Variants in SMYD1 observed in about 807,000 individuals in gnomAD.
SMYD1 encodes histone-lysine N-methyltransferase SMYD1.
Under a neutral mutation model 54.0 loss-of-function variants are expected in SMYD1, and 49 were observed. That is an observed-to-expected ratio of 0.91 (90% CI 0.72 to 1.15). The LOEUF is 1.15. Ranked by LOEUF, SMYD1 falls within the 50% of genes most tolerant of loss-of-function variation. The probability of loss-of-function intolerance (pLI) is 0.00; values close to 1 mark genes in which losing one functional copy is unlikely to be tolerated. For synonymous variants in SMYD1, 269 were observed against 234.2 expected (o/e 1.15, Z -1.36); for missense variants, 653 against 639.6 (o/e 1.02, Z -0.23).
chr2:88,090,242 A>G (rs2919854), intron 3 of SMYD1, among the ~76,000 whole-genome samples: 87,805 of 152,028 alleles, frequency 0.58, 25,972 homozygotes, highest in African/African-American at 0.69. Context: ...ATGTCTACTG[A>G]GTTTCTGTTA....
intron 9 of SMYD1, among the ~76,000 whole-genome samples, chr2:88,109,644 C>T (rs1558860765): frequency 6.6e-6 from 1 of 152,178 alleles, no homozygotes. Flanking sequence ...ATGACTATGA[C>T]ATTTAGGACT....
At position 88,111,161 on chromosome 2, in the gene SMYD1, C is replaced by T. The variant is rs997052926; in HGVS notation, c.*649C>T. ...AACCACTTCAGAATGGTGCATATGT[C>T]GAAAGAGCTGGCTGGGGGCCTTGCC... On this transcript the variant is annotated 3_prime_UTR_variant, in exon 10 of 10. Transcript: ENST00000419482. 1 of 152,126 alleles carries T rather than the reference C, an allele frequency of 6.6e-6. No homozygotes were observed. The highest frequency in any genetic ancestry group is 1.9e-4 in the East Asian group (1 of 5,174). 9.4% of individuals were successfully genotyped at this position (152,126 alleles called of 1,614,324 possible).
intron 9 of SMYD1, 146 bp from the exon 10 acceptor site, chr2:88,110,208 T>A (rs903412058): frequency 2.4e-5 from 18 of 736,576 alleles, no homozygotes; most frequent in South Asian, 9.8e-5. Flanking sequence ...TGAGTGTGTG[T>A]GTGTGTGTGT....
chr2:88,077,589 C>G (rs1216290001), intron 1 of SMYD1, among the ~76,000 whole-genome samples: 1 of 152,140 alleles, frequency 6.6e-6, no homozygotes, highest in Non-Finnish European at 1.5e-5. Flanking sequence ...ACGAGACTTG[C>G]TGAAGGTCAC....
chr2:88,079,151 T>C (rs1674132424), intron 1 of SMYD1, among the ~76,000 whole-genome samples: 1 of 152,206 alleles, frequency 6.6e-6, no homozygotes, highest in African/African-American at 2.4e-5. Flanking sequence ...AAAATGATTA[T>C]ATAAGTGTAA....
At chr2:88,097,210 T>A (rs1180480264) in intron 6 of SMYD1, among the ~76,000 whole-genome samples, 1 of 152,172 alleles carries the variant, frequency 6.6e-6, no homozygotes, top group Admixed American at 6.5e-5. Flanking sequence ...CATCTGGTTA[T>A]CAAAAAGATA....
At chr2:88,072,008 A>C (rs1249910976) in intron 1 of SMYD1, among the ~76,000 whole-genome samples, 4 of 151,986 alleles carry the variant, frequency 2.6e-5, no homozygotes, top group Non-Finnish European at 5.9e-5. Context: ...ATTTGGAAAA[A>C]AAAAAAAAAC....
intron 7 of SMYD1, among the ~76,000 whole-genome samples, chr2:88,104,967 T>G (rs1181276124): frequency 6.6e-6 from 1 of 152,214 alleles, no homozygotes; most frequent in Non-Finnish European, 1.5e-5. Context: ...AGCCTCCTTC[T>G]CTGCTCATCC....
chr2:88,068,067 T>C lies in SMYD1; in HGVS notation c.137+66T>C, dbSNP rs1673870262. 8 of 1,525,336 alleles carry C rather than the reference T, an allele frequency of 5.2e-6. No homozygotes were observed. The South Asian group carries it at 7.6e-5, about 14-fold the overall frequency. The allele number at this position is 1,525,336 out of a possible 1,614,324, so 94.5% of individuals were successfully genotyped here. ...GCTGGGGCCAAACTCTAAAATACTT[T>C]GCTCTCAAAAATCATCAGGGGAAGG... is the stretch of plus-strand genomic sequence containing the variant. On this transcript the variant is annotated intron_variant, in intron 1 of 9. Transcript: ENST00000419482.
intron 7 of SMYD1, 89 bp downstream of exon 7, chr2:88,103,239 G>A (rs752238199): frequency 2.4e-5 from 24 of 991,856 alleles, no homozygotes; most frequent in Admixed American, 1.8e-4. Flanking sequence ...GAGAACGGGC[G>A]GCGGGGGAGG....
In SMYD1 at chr2:88,112,884, C is replaced by T. The variant is rs1261929417; in HGVS notation, c.*2372C>T. ...CCTGGAGTTGGTTTTGTCCTTGATT[C>T]ATTCTCATGTCATTCTGCACACAGT... On this transcript the variant is annotated 3_prime_UTR_variant, in exon 10 of 10. Coordinates refer to ENST00000419482, the MANE Select transcript of SMYD1 (RefSeq NM_198274.4). The T allele has an allele frequency of 6.6e-6, 1 of 152,306 alleles. No individual in the cohort carries two copies. The highest frequency in any genetic ancestry group is 1.5e-5 in the Non-Finnish European group (1 of 68,162). 9.4% of individuals were successfully genotyped at this position (152,306 alleles called of 1,614,324 possible).
intron 7 of SMYD1, among the ~76,000 whole-genome samples, chr2:88,105,402 T>A (rs1674839140): frequency 2.0e-5 from 3 of 148,624 alleles, no homozygotes; most frequent in African/African-American, 7.8e-5. Context: ...CACACACATA[T>A]CGATATCTTT....
chr2:88,070,846 G>A (rs1332350214), intron 1 of SMYD1, among the ~76,000 whole-genome samples: 1 of 150,556 alleles, frequency 6.6e-6, no homozygotes, highest in Non-Finnish European at 1.5e-5. Context: ...AGAAGGCTGA[G>A]GTGAGAGAAT....
rs1170245014 is a variant in SMYD1, at chr2:88,110,589, A to G, written c.*77A>G. 1.4e-6 allele frequency: 2 copies of G among 1,416,342 alleles called. No homozygotes were observed. The highest frequency in any genetic ancestry group is 2.7e-5 in the East Asian group (1 of 37,568). The allele number at this position is 1,416,342 out of a possible 1,614,324, so 87.7% of individuals were successfully genotyped here. A position where few individuals can be genotyped will look rare whatever the true frequency, so the allele number is the denominator to read the frequency against. On this transcript the variant is annotated 3_prime_UTR_variant, in exon 10 of 10. Coordinates refer to ENST00000419482, the MANE Select transcript of SMYD1 (RefSeq NM_198274.4). The stretch of plus-strand genomic sequence containing the variant: ...CTGGAGGTGGTGGGTCTCTCGGGAG[A>G]CCCCTAATGAGGAAGTTGAGGTAAT...
rs1157054441 is a variant in SMYD1, at chr2:88,110,339, A to G, written c.1315-15A>G. ...GGCTTGCTATCACTGTTTACGGTGT[A>G]TCTGTGTCCCACAGGCCATGCGGGT... On this transcript the variant is annotated splice_polypyrimidine_tract_variant and intron_variant, in intron 9 of 9. Transcript: ENST00000419482. The G allele has an allele frequency of 1.2e-6, 2 of 1,606,530 alleles. No individual in the cohort carries two copies. The highest frequency in any genetic ancestry group is 1.3e-5 in the African/African-American group (1 of 74,810).
Position 88,110,593 on chromosome 2 carries a change from C to T in SMYD1, c.*81C>T. 5 of 1,407,234 alleles carry T rather than the reference C, an allele frequency of 3.6e-6. No individual in the cohort carries two copies. Among genetic ancestry groups the T allele is most frequent in the Non-Finnish European group, 4.7e-6 (5 of 1,066,616 alleles). 87.2% of individuals were successfully genotyped at this position (1,407,234 alleles called of 1,614,324 possible). On this transcript the variant is annotated 3_prime_UTR_variant, in exon 10 of 10. Coordinates refer to ENST00000419482, the MANE Select transcript of SMYD1 (RefSeq NM_198274.4). The stretch of plus-strand genomic sequence containing the variant: ...AGGTGGTGGGTCTCTCGGGAGACCC[C>T]TAATGAGGAAGTTGAGGTAATGCTT...
chr2:88,099,827 TCCTTTTCC>T (rs1674679192), intron 6 of SMYD1, among the ~76,000 whole-genome samples: 2 of 150,756 alleles, frequency 1.3e-5, no homozygotes, highest in Non-Finnish European at 3.0e-5. Context: ...CCTCTTTGGC[TCCTTTTCC>T]TCTGGCTTCT....
intron 1 of SMYD1, among the ~76,000 whole-genome samples, chr2:88,072,298 A>C (rs942586790): frequency 6.6e-6 from 1 of 152,046 alleles, no homozygotes; most frequent in Non-Finnish European, 1.5e-5. Flanking sequence ...CTACAGGTGC[A>C]TGCCACCACA....
intron 6 of SMYD1, among the ~76,000 whole-genome samples, chr2:88,100,905 A>G (rs555382940): frequency 1.3e-5 from 2 of 152,250 alleles, no homozygotes; most frequent in Non-Finnish European, 2.9e-5. Flanking sequence ...AGGTAGACAC[A>G]TAGAATAACT....
Sources: allele counts gnomAD v4.1 joint callset (sites outside exome capture counted in the v4.1 genomes callset), GRCh38; gene constraint gnomAD v4.1.1; transcripts MANE v1.5; gene names NCBI Gene and HGNC (gene_info 2026-07-23, HGNC 2026-07-21).